SIGLEC11: variants seen among roughly 807,000 people sequenced by gnomAD.
The protein encoded by SIGLEC11 is sialic acid binding Ig like lectin 11, also known as sialic acid-binding Ig-like lectin 11.
SIGLEC11 carries 47 observed loss-of-function variants against 61.2 expected under a neutral mutation model. The observed-to-expected ratio is 0.77, with a 90% CI of 0.61 to 0.98. The LOEUF is 0.98. SIGLEC11 is among the 50% of genes least tolerant of loss of function. The pLI is 0.00. For missense variants in SIGLEC11, 610 were observed against 870.3 expected (o/e 0.70, Z 3.76); for synonymous variants, 278 against 373.1 (o/e 0.75, Z 2.94).
At chr19:49,957,457 A>C (rs1200645472) in intron 8 of SIGLEC11, among the ~76,000 whole-genome samples, 1 of 152,106 alleles carries the variant, frequency 6.6e-6, no homozygotes, top group Non-Finnish European at 1.5e-5. Flanking sequence ...GTATAAAATA[A>C]CACTGTTTAA....
intron 8 of SIGLEC11, 38 bp downstream of exon 8, chr19:49,958,245 C>T: frequency 6.2e-7 from 1 of 1,604,696 alleles, no homozygotes; most frequent in Non-Finnish European, 8.5e-7. Flanking sequence ...ATCCTGTCTC[C>T]TTTCTCCCTG....
At position 49,951,232 on chromosome 19, in the gene SIGLEC11, T is replaced by C. The variant is rs111516788; in HGVS notation, c.1830+659A>G. Among the ~76,000 whole-genome samples, 1,810 of 152,296 alleles carry C rather than the reference T, an allele frequency of 0.012. 41 individuals are homozygous for C. Among genetic ancestry groups the C allele is most frequent in the African/African-American group, 0.042 (1,743 of 41,562 alleles). On this transcript the variant is annotated intron_variant, in intron 10 of 10. Transcript: ENST00000447370. The surrounding 1 kb of genome is among the most constrained non-coding windows in gnomAD (Gnocchi z 4.6). ...GGAGCTTCCCAGGTGAGCGGTGCCCTGATGCTCCGTGCATCTGTCACACTT... is the reference window on the plus strand; with the variant it reads ...GGAGCTTCCCAGGTGAGCGGTGCCCCGATGCTCCGTGCATCTGTCACACTT...
Position 49,958,451 on chromosome 19 carries a change from C to A in SIGLEC11, c.1483G>T (p.Glu495Ter). The A allele has an allele frequency of 6.2e-7, 1 of 1,613,418 alleles. No homozygotes were observed. The highest frequency in any genetic ancestry group is 8.5e-7 in the Non-Finnish European group (1 of 1,179,886). Reference sequence around the variant, plus strand: ...AAGGAGCCCTGACTGCTGTTCCCCTCCAGCAGCTCCTCCCCAAGCCACCAG... The same window carrying A: ...AAGGAGCCCTGACTGCTGTTCCCCTACAGCAGCTCCTCCCCAAGCCACCAG... ...LRWWLGEELLEGNSSQGSFEV... is the reference protein window; with the variant it reads ...LRWWLGEELL The change falls in exon 8 of 11, where the codon GAG (glutamate) becomes TAG (stop). Residue 495 changes from glutamate (E) to a stop codon, truncating the protein, a stop_gained. Transcript: ENST00000447370. LOFTEE classifies it high-confidence loss of function.
At chr19:49,957,881 C>T (rs951295044) in intron 8 of SIGLEC11, among the ~76,000 whole-genome samples, 3 of 152,094 alleles carry the variant, frequency 2.0e-5, no homozygotes, top group Non-Finnish European at 2.9e-5. Flanking sequence ...ATCCCAGCTA[C>T]TCAGGTGGCT....
intron 8 of SIGLEC11, among the ~76,000 whole-genome samples, chr19:49,956,470 C>G (rs2076197012): frequency 6.6e-6 from 1 of 152,156 alleles, no homozygotes; most frequent in Non-Finnish European, 1.5e-5. Flanking sequence ...AGGCCATGGG[C>G]ATATCAACAG....
intron 8 of SIGLEC11, among the ~76,000 whole-genome samples, chr19:49,952,847 T>A (rs1041956342): frequency 6.6e-6 from 1 of 152,324 alleles, no homozygotes; most frequent in African/African-American, 2.4e-5. Flanking sequence ...CCACAAGTTA[T>A]GCTATACTAT....
chr19:49,961,046 C>A lies in SIGLEC11; in HGVS notation c.36G>T (p.Glu12Asp). 1 of 1,220,860 alleles carries A rather than the reference C, an allele frequency of 8.2e-7. No individual in the cohort carries two copies. Among genetic ancestry groups the A allele is most frequent in the South Asian group, 1.4e-5 (1 of 70,810 alleles). The allele number at this position is 1,220,860 out of a possible 1,614,324, so 75.6% of individuals were successfully genotyped here. A position where few individuals can be genotyped will look rare whatever the true frequency, so the allele number is the denominator to read the frequency against. The stretch of plus-strand genomic sequence containing the variant: ...GCAGCAGCAGGGGCAGCAGCAGCAT[C>A]TCTGGGCTCTGGGGCTGGGCCTGTC... ...VPGQAQPQSPEMLLLPLLLPV... is the reference protein window; with the variant it reads ...VPGQAQPQSPDMLLLPLLLPV... Residue 12 changes from glutamate to aspartate, a missense_variant, in exon 1 of 11, where the codon GAG becomes GAT. Around this residue, in one of 6 missense-constraint regions of SIGLEC11, gnomAD observed 27 missense variants for 96.0 expected, o/e 0.28. Transcript: ENST00000447370.
rs80161536 is a variant in SIGLEC11, at chr19:49,951,761, A to T, written c.1830+130T>A. ...CCCAGATCATGGGACTTGGGACTGCATTGATGGGGACCCAGGAGCAAAACC... is the reference window on the plus strand; with the variant it reads ...CCCAGATCATGGGACTTGGGACTGCTTTGATGGGGACCCAGGAGCAAAACC... On this transcript the variant is annotated intron_variant, in intron 10 of 10. Coordinates refer to ENST00000447370, the MANE Select transcript of SIGLEC11 (RefSeq NM_052884.3). This position sits in a 1 kb window ranked among gnomAD's most constrained non-coding sequence, Gnocchi z 4.6. 3.4e-3 allele frequency: 2,566 copies of T among 745,940 alleles called. 71 individuals are homozygous for T. In the East Asian group the frequency reaches 0.058, roughly 17 times the overall value. 46.2% of individuals were successfully genotyped at this position (745,940 alleles called of 1,614,324 possible).
chr19:49,951,038 T>A lies in SIGLEC11; in HGVS notation c.1831-802A>T, dbSNP rs537724457. Among the ~76,000 whole-genome samples, 1 of 152,324 alleles carries A rather than the reference T, an allele frequency of 6.6e-6. No homozygotes were observed. The highest frequency in any genetic ancestry group is 2.1e-4 in the South Asian group (1 of 4,830). On this transcript the variant is annotated intron_variant, in intron 10 of 10. Transcript: ENST00000447370. The surrounding 1 kb of genome is among the most constrained non-coding windows in gnomAD (Gnocchi z 4.6). ...TATCCTGCTGGTAGGAGCATCCCTG[T>A]TGACCTGGGACCACAAGCCAGGCCA...
At chr19:49,954,606 A>G (rs890247053) in intron 8 of SIGLEC11, among the ~76,000 whole-genome samples, 2 of 152,268 alleles carry the variant, frequency 1.3e-5, no homozygotes, top group South Asian at 2.1e-4. Context: ...AACTGGAAAC[A>G]CCATACTCCC....
chr19:49,959,027 T>C lies in SIGLEC11; in HGVS notation c.1105+3A>G, dbSNP rs756604687. The C allele has an allele frequency of 1.9e-6, 3 of 1,613,874 alleles. No individual in the cohort carries two copies. The highest frequency in any genetic ancestry group is 2.2e-5 in the East Asian group (1 of 44,886). On this transcript the variant is annotated splice_donor_region_variant and intron_variant, in intron 6 of 10. Coordinates refer to ENST00000447370, the MANE Select transcript of SIGLEC11 (RefSeq NM_052884.3). ...GCCCTGGCTCCTCTGTCTCCTTTCC[T>C]ACCTGTCCTGTTTGCTTGGGAAACC...
intron 8 of SIGLEC11, among the ~76,000 whole-genome samples, chr19:49,954,107 C>T (rs1028405391): frequency 3.9e-5 from 6 of 152,136 alleles, no homozygotes; most frequent in Admixed American, 3.9e-4. Flanking sequence ...ACAAGACTAA[C>T]CTGGATCAAG....
At chr19:49,953,062 G>A (rs1281492766) in intron 8 of SIGLEC11, among the ~76,000 whole-genome samples, 2 of 152,166 alleles carry the variant, frequency 1.3e-5, no homozygotes, top group Admixed American at 1.3e-4. Context: ...TGGCGACCAC[G>A]AAGGGACCAG....
At chr19:49,953,122 C>A (rs1328075750) in intron 8 of SIGLEC11, among the ~76,000 whole-genome samples, 4 of 152,178 alleles carry the variant, frequency 2.6e-5, no homozygotes, top group Non-Finnish European at 4.4e-5. Flanking sequence ...GAGCCCCGGG[C>A]CTCAGGAGAC....
intron 1 of SIGLEC11, 23 bp from the exon 2 acceptor site, chr19:49,960,958 C>T (rs59090616): frequency 0.059 from 81,015 of 1,372,668 alleles, 2,266 homozygotes; most frequent in Admixed American, 0.15. Context: ...AGAGGCTCAG[C>T]GGCAGCCCCA....
chr19:49,950,006 T>C lies in SIGLEC11; in HGVS notation c.2061A>G (p.Gln687=), dbSNP rs111614885. ...QPLRGPGFGL[Q]LEREMSGMVP... ...CCATCCCTGACATCTCCCTCTCCAA[T>C]TGAAGCCCAAAGCCTGGGCCCCTCA... The change falls in exon 11 of 11, where the codon CAA becomes CAG. Residue 687 remains glutamine (Q), a synonymous_variant. Transcript: ENST00000447370. The C allele has an allele frequency of 6.0e-5, 91 of 1,515,570 alleles. No homozygotes were observed. The highest frequency in any genetic ancestry group is 1.2e-4 in the East Asian group (5 of 42,624). 93.9% of individuals were successfully genotyped at this position (1,515,570 alleles called of 1,614,324 possible).
Position 49,949,966 on chromosome 19 carries a change from C to T in SIGLEC11, c.*4G>A. Reference sequence around the variant, plus strand: ...GCTGGTGTCCTGTTGCCATGGAGACCTCTTCACTTTGGAACCATCCCTGAC... The same window carrying T: ...GCTGGTGTCCTGTTGCCATGGAGACTTCTTCACTTTGGAACCATCCCTGAC... On this transcript the variant is annotated 3_prime_UTR_variant, in exon 11 of 11. Coordinates refer to ENST00000447370, the MANE Select transcript of SIGLEC11 (RefSeq NM_052884.3). The T allele has an allele frequency of 6.9e-7, 1 of 1,446,982 alleles. No homozygotes were observed. The highest frequency in any genetic ancestry group is 9.1e-7 in the Non-Finnish European group (1 of 1,092,916). 89.6% of individuals were successfully genotyped at this position (1,446,982 alleles called of 1,614,324 possible). A position where few individuals can be genotyped will look rare whatever the true frequency, so the allele number is the denominator to read the frequency against.
chr19:49,959,666 ATGG>A, intron 4 of SIGLEC11, 43 bp from the exon 5 acceptor site: 3 of 108,070 alleles, frequency 2.8e-5, no homozygotes, highest in South Asian at 6.3e-5. Flanking sequence ...GAGAGAGAGA[ATGG>A]GTGGGAGGGG....
In SIGLEC11 at chr19:49,953,220, C is replaced by T. The variant is rs187425581; in HGVS notation, c.1652-826G>A. ...CCGGCGCCCCTACCCAGCAGCACAA[C>T]AAAACCTGAAAGGAGCTACAGAATG... On this transcript the variant is annotated intron_variant, in intron 8 of 10. Transcript: ENST00000447370. 1.3e-3 allele frequency among the ~76,000 whole-genome samples: 202 copies of T among 152,296 alleles called. 1 individual carries two copies. The highest frequency in any genetic ancestry group is 4.7e-3 in the African/African-American group (196 of 41,566).
Sources: allele counts gnomAD v4.1 joint callset (sites outside exome capture counted in the v4.1 genomes callset), GRCh38; gene constraint gnomAD v4.1.1; regional missense constraint gnomAD v4.1.1; non-coding constraint Gnocchi (gnomAD v3.1); transcripts MANE v1.5; gene names NCBI Gene and HGNC (gene_info 2026-07-23, HGNC 2026-07-21).